Variants in TUFT1 observed in about 807,000 individuals in gnomAD.
The protein encoded by TUFT1 is tuftelin 1.
TUFT1 carries 43 observed loss-of-function variants against 57.8 expected under a neutral mutation model. The ratio of observed to expected loss-of-function variants is 0.74; its 90% CI spans 0.58 to 0.96. The LOEUF is 0.96. Among genes scored for constraint, TUFT1 ranks in the 40% least tolerant of loss-of-function variants. TUFT1 has a pLI of 0.00. For synonymous variants in TUFT1, 166 were observed against 176.7 expected (o/e 0.94, Z 0.48); for missense variants, 459 against 489.0 (o/e 0.94, Z 0.58).
intron 1 of TUFT1, among the ~76,000 whole-genome samples, chr1:151,541,600 C>T (rs555909133): frequency 7.9e-5 from 12 of 152,324 alleles, no homozygotes; most frequent in Admixed American, 7.8e-4. Flanking sequence ...TAGATTATGG[C>T]TCTTCTTCAA....
intron 3 of TUFT1, 51 bp downstream of exon 3, chr1:151,562,737 C>T (rs539829124): frequency 5.9e-5 from 88 of 1,482,712 alleles, no homozygotes; most frequent in Non-Finnish European, 7.8e-5. Flanking sequence ...CCTCCCTGCA[C>T]GTATATGAGA....
intron 7 of TUFT1, among the ~76,000 whole-genome samples, chr1:151,570,865 C>G (rs61819529): frequency 6.6e-6 from 1 of 152,102 alleles, no homozygotes; most frequent in Non-Finnish European, 1.5e-5. Flanking sequence ...CACCACCATG[C>G]CTGGCTAATT....
intron 5 of TUFT1, chr1:151,565,909 C>G (rs1002248786): frequency 2.3e-5 from 9 of 399,802 alleles, no homozygotes; most frequent in Admixed American, 7.5e-5. Context: ...CTCTCCACCC[C>G]CTCTTGTTTC....
intron 1 of TUFT1, among the ~76,000 whole-genome samples, chr1:151,560,957 TGTGTG>T (rs555212332): frequency 1.1e-4 from 1 of 8,752 alleles, no homozygotes; most frequent in African/African-American, 1.5e-4. Context: ...TGCAAAGTAT[TGTGTG>T]TGTGTGTGTG....
At chr1:151,570,334 T>A (rs1040087312) in intron 7 of TUFT1, among the ~76,000 whole-genome samples, 9 of 152,274 alleles carry the variant, frequency 5.9e-5, no homozygotes, top group African/African-American at 2.2e-4. Context: ...CAAGCTGGAG[T>A]GCAGTGGCGC....
At chr1:151,559,295 T>C (rs1429738667) in intron 1 of TUFT1, among the ~76,000 whole-genome samples, 2 of 152,212 alleles carry the variant, frequency 1.3e-5, no homozygotes, top group East Asian at 3.8e-4. Context: ...GGGGTAATTC[T>C]TCACAAAACA....
chr1:151,555,999 C>T (rs1453331299), intron 1 of TUFT1, among the ~76,000 whole-genome samples: 1 of 152,006 alleles, frequency 6.6e-6, no homozygotes, highest in Non-Finnish European at 1.5e-5. Flanking sequence ...CACTCATTTC[C>T]CTCCTCCCCC....
At chr1:151,550,345 T>C (rs571237155) in intron 1 of TUFT1, among the ~76,000 whole-genome samples, 1 of 152,062 alleles carries the variant, frequency 6.6e-6, no homozygotes, top group South Asian at 2.1e-4. Context: ...AATAGTTTTT[T>C]CGTTTGTTTG....
chr1:151,564,671 C>A, intron 5 of TUFT1, 57 bp downstream of exon 5: 1 of 1,438,500 alleles, frequency 7.0e-7, no homozygotes, highest in Non-Finnish European at 9.8e-7. Context: ...TTGTGCCAGG[C>A]AGTCTCATTT....
chr1:151,557,468 T>G (rs1665742047), intron 1 of TUFT1: 2 of 1,404,538 alleles, frequency 1.4e-6, no homozygotes, highest in Non-Finnish European at 2.0e-6. Context: ...AAGAACCGGA[T>G]TGCCATTTAT....
At chr1:151,571,458 CA>C (rs1260891862) in intron 7 of TUFT1, among the ~76,000 whole-genome samples, 1 of 151,926 alleles carries the variant, frequency 6.6e-6, no homozygotes, top group Non-Finnish European at 1.5e-5. Flanking sequence ...ATCAGTTTAA[CA>C]AGGAGATTTT....
chr1:151,563,083 C>A (rs1333262902), intron 3 of TUFT1, among the ~76,000 whole-genome samples: 1 of 152,120 alleles, frequency 6.6e-6, no homozygotes, highest in Non-Finnish European at 1.5e-5. Context: ...GACAGTCTCG[C>A]CTTGTTCCCT....
chr1:151,560,116 C>CA (rs1003654784), intron 1 of TUFT1, among the ~76,000 whole-genome samples: 2 of 149,134 alleles, frequency 1.3e-5, no homozygotes, highest in South Asian at 2.2e-4. Flanking sequence ...TAATATTCAA[C>CA]AAAAAAACCC....
intron 6 of TUFT1, among the ~76,000 whole-genome samples, chr1:151,567,017 C>A (rs1309911569): frequency 6.6e-6 from 1 of 151,960 alleles, no homozygotes; most frequent in African/African-American, 2.4e-5. Flanking sequence ...CCCCGGGGTT[C>A]AAGCAATCCT....
Position 151,572,202 on chromosome 1 carries a change from A to G in TUFT1, c.595-2068A>G, listed in dbSNP as rs544892761. ...GGCAACAGATTGAGACTTTGTCTAA[A>G]AAATAATAAATATGGTACATAAATA... On this transcript the variant is annotated intron_variant, in intron 7 of 12. Coordinates refer to ENST00000368849, the MANE Select transcript of TUFT1 (RefSeq NM_020127.3). Among the ~76,000 whole-genome samples the G allele has an allele frequency of 4.6e-5, 7 of 150,680 alleles. No homozygotes were observed. In the East Asian group the frequency reaches 9.7e-4, roughly 21 times the overall value.
rs1188882493 is a variant in TUFT1 at position 151,562,789 on chromosome 1, A to G, written c.237+103A>G. 7 of 975,460 alleles carry G rather than the reference A, an allele frequency of 7.2e-6. No individual in the cohort carries two copies. The South Asian group carries it at 8.6e-5, about 12-fold the overall frequency. 60.4% of individuals were successfully genotyped at this position (975,460 alleles called of 1,614,324 possible). ...GTTGCCAAAGGGAGCTTGTGGTTTG[A>G]TGGAAGGAACCAGACCTGAGCTGCT... On this transcript the variant is annotated intron_variant, in intron 3 of 12. Transcript: ENST00000368849.
At chr1:151,573,287 G>A (rs1417888006) in intron 7 of TUFT1, among the ~76,000 whole-genome samples, 1 of 152,098 alleles carries the variant, frequency 6.6e-6, no homozygotes, top group Non-Finnish European at 1.5e-5. Flanking sequence ...TCCTCTCCCT[G>A]GACACACAAA....
chr1:151,578,758 G>T lies in TUFT1; in HGVS notation c.856G>T (p.Glu286Ter). The T allele has an allele frequency of 6.3e-7, 1 of 1,583,474 alleles. No homozygotes were observed. Among genetic ancestry groups the T allele is most frequent in the South Asian group, 1.2e-5 (1 of 86,840 alleles). ...GGAAAAGGAAGTGGCCGGGTTGCGG[G>T]AGAAGATCCACCACTTGGATGACAT... is the stretch of plus-strand genomic sequence containing the variant. ...TLEKEVAGLR[E>*]KIHHLDDMLK... Residue 286 changes from glutamate to a stop codon, truncating the protein, a stop_gained, in exon 10 of 13, where the codon GAG becomes TAG. Transcript: ENST00000368849. LOFTEE classifies it high-confidence loss of function.
chr1:151,565,530 C>G (rs756996863), intron 5 of TUFT1, among the ~76,000 whole-genome samples: 24 of 152,218 alleles, frequency 1.6e-4, no homozygotes, highest in Non-Finnish European at 2.8e-4. Context: ...GTAGGTCTTT[C>G]AGTGCTTGAG....
Sources: allele counts gnomAD v4.1 joint callset (sites outside exome capture counted in the v4.1 genomes callset), GRCh38; gene constraint gnomAD v4.1.1; transcripts MANE v1.5; gene names NCBI Gene and HGNC (gene_info 2026-07-23, HGNC 2026-07-21).